The following CCR5AS variants were observed in gnomAD, a reference collection of about 807,000 sequenced individuals.
CCR5AS encodes the protein CCR5 antisense RNA.
intron 2 of CCR5AS, among the ~76,000 whole-genome samples, chr3:46,390,331 G>T (rs866751927): frequency 6.6e-6 from 1 of 152,158 alleles, no homozygotes; most frequent in African/African-American, 2.4e-5. Flanking sequence ...CTATAGGATG[G>T]ATGGGAAGGA....
intron 2 of CCR5AS, among the ~76,000 whole-genome samples, chr3:46,384,602 G>T (rs1448058335): frequency 6.6e-6 from 1 of 152,158 alleles, no homozygotes; most frequent in Non-Finnish European, 1.5e-5. Context: ...ACAGTGTCGG[G>T]ATAAGGCTCT....
chr3:46,380,409 C>T (rs1701805354), intron 2 of CCR5AS, among the ~76,000 whole-genome samples: 1 of 152,104 alleles, frequency 6.6e-6, no homozygotes, highest in Non-Finnish European at 1.5e-5. Context: ...TAACTTATTC[C>T]CTTTTACTTA....
chr3:46,370,020 C>A (rs1321279364), intron 3 of CCR5AS, among the ~76,000 whole-genome samples: 2 of 152,212 alleles, frequency 1.3e-5, no homozygotes, highest in East Asian at 1.9e-4. Context: ...GCTCTGCTGA[C>A]AATACTTGAG....
intron 3 of CCR5AS, among the ~76,000 whole-genome samples, chr3:46,369,620 C>A (rs1033245408): frequency 2.0e-5 from 3 of 152,148 alleles, no homozygotes; most frequent in Non-Finnish European, 1.5e-5. Flanking sequence ...AGGATTTGAT[C>A]AAATAAACTC....
intron 2 of CCR5AS, chr3:46,373,684 A>G: frequency 6.2e-7 from 1 of 1,614,146 alleles, no homozygotes; most frequent in Admixed American, 1.7e-5. Context: ...AACACCTTCC[A>G]GGAATTCTTT....
intron 2 of CCR5AS, among the ~76,000 whole-genome samples, chr3:46,378,340 T>C (rs1701782474): frequency 6.6e-6 from 1 of 152,194 alleles, no homozygotes; most frequent in Non-Finnish European, 1.5e-5. Flanking sequence ...TAATTTTCTA[T>C]AAGCAATTTT....
chr3:46,394,941 T>G (rs1472643887), intron 1 of CCR5AS, among the ~76,000 whole-genome samples: 2 of 151,602 alleles, frequency 1.3e-5, no homozygotes, highest in African/African-American at 2.4e-5. Context: ...AGATAGGGAG[T>G]AGATTCCTAT....
At chr3:46,395,473 G>A (rs929993050) in intron 1 of CCR5AS, among the ~76,000 whole-genome samples, 2 of 152,168 alleles carry the variant, frequency 1.3e-5, no homozygotes, top group Admixed American at 1.3e-4. Context: ...CAAATCCGGG[G>A]GATTGGCTGT....
chr3:46,394,234 A>G lies in CCR5AS; in HGVS notation n.164-1182T>C, dbSNP rs573938238. On this transcript the variant is annotated intron_variant and non_coding_transcript_variant, in intron 1 of 3. Transcript: ENST00000451485. ...TGGAACACTCAGGACAATCCCCAGCAACAAAAACCTACCCATCCAGAACAT... is the reference window on the plus strand; with the variant it reads ...TGGAACACTCAGGACAATCCCCAGCGACAAAAACCTACCCATCCAGAACAT... Among the ~76,000 whole-genome samples, 6 of 152,264 alleles carry G rather than the reference A, an allele frequency of 3.9e-5. No individual in the cohort carries two copies. The East Asian group carries it at 1.2e-3, about 29-fold the overall frequency.
chr3:46,372,463 A>T (rs1311137398), intron 2 of CCR5AS, among the ~76,000 whole-genome samples: 1 of 152,158 alleles, frequency 6.6e-6, no homozygotes, highest in African/African-American at 2.4e-5. Flanking sequence ...GGGATGGTCC[A>T]GGCTGCAGTG....
intron 1 of CCR5AS, among the ~76,000 whole-genome samples, chr3:46,403,280 C>G (rs1380904658): frequency 1.3e-5 from 2 of 152,152 alleles, no homozygotes; most frequent in African/African-American, 4.8e-5. Context: ...CTGTTTTTAG[C>G]TCTTTGATCT....
intron 1 of CCR5AS, among the ~76,000 whole-genome samples, chr3:46,397,216 C>T (rs1701969029): frequency 6.6e-6 from 1 of 151,896 alleles, no homozygotes; most frequent in South Asian, 2.1e-4. Flanking sequence ...TGTGTGCTCC[C>T]CCAGCTTGGC....
chr3:46,366,386 TTGTTGAA>T (rs1559565298), intron 3 of CCR5AS, among the ~76,000 whole-genome samples: 5 of 152,308 alleles, frequency 3.3e-5, no homozygotes, highest in Admixed American at 2.0e-4. Context: ...GTCTATTGTA[TTGTTGAA>T]CTGTTAGCTT....
In CCR5AS at chr3:46,404,144, G is replaced by A. The variant is rs550063457; in HGVS notation, n.163+2753C>T. Among the ~76,000 whole-genome samples the A allele has an allele frequency of 1.1e-4, 16 of 152,190 alleles. No individual in the cohort carries two copies. In the East Asian group the frequency reaches 1.9e-3, roughly 18 times the overall value. Reference sequence around the variant, plus strand: ...AATATATTAAGAAGAATATGTCTGCGTCTTCGGTAAAATTATTGCTAAGGT... The same window carrying A: ...AATATATTAAGAAGAATATGTCTGCATCTTCGGTAAAATTATTGCTAAGGT... On this transcript the variant is annotated intron_variant and non_coding_transcript_variant, in intron 1 of 3. Transcript: ENST00000451485.
rs1388386774 is a variant in CCR5AS at position 46,384,479 on chromosome 3, C to CA, written n.391+8345dup. ...TATCTATGTCTGCAGCCCAATTTTA[C>CA]AGGTTGCTCTTTGCTAGAAAAGAAA... On this transcript the variant is annotated intron_variant and non_coding_transcript_variant, in intron 2 of 3. Transcript: ENST00000451485. Among the ~76,000 whole-genome samples, 7 of 152,338 alleles carry CA rather than the reference C, an allele frequency of 4.6e-5. No homozygotes were observed. The East Asian group carries it at 1.3e-3, about 29-fold the overall frequency.
chr3:46,393,316 G>A (rs1031737065), intron 1 of CCR5AS, among the ~76,000 whole-genome samples: 4 of 151,882 alleles, frequency 2.6e-5, no homozygotes. Flanking sequence ...CTTCTTTTGT[G>A]GTTCTTCAGT....
intron 2 of CCR5AS, among the ~76,000 whole-genome samples, chr3:46,378,763 G>A (rs996858249): frequency 1.3e-5 from 2 of 152,098 alleles, no homozygotes; most frequent in African/African-American, 2.4e-5. Flanking sequence ...GTCTCCATTC[G>A]GGGTACAGGT....
intron 1 of CCR5AS, among the ~76,000 whole-genome samples, chr3:46,399,484 T>C (rs1287645574): frequency 6.6e-6 from 1 of 152,184 alleles, no homozygotes; most frequent in Non-Finnish European, 1.5e-5. Context: ...CAGTAAATGG[T>C]CTGACCAATG....
At chr3:46,368,832 A>G (rs1701627340) in intron 3 of CCR5AS, among the ~76,000 whole-genome samples, 1 of 152,134 alleles carries the variant, frequency 6.6e-6, no homozygotes, top group Admixed American at 6.5e-5. Flanking sequence ...ACATCCTCCA[A>G]TACCCTAATG....
Sources: gnomAD v4.1 joint callset for allele counts (sites outside exome capture counted in the v4.1 genomes callset) on GRCh38, gnomAD v4.1.1 for gene constraint, MANE v1.5 for transcripts, NCBI Gene and HGNC (gene_info 2026-07-23, HGNC 2026-07-21) for gene names.